The following HDAC4 variants were observed in gnomAD, a reference collection of about 807,000 sequenced individuals.
HDAC4 encodes the protein histone deacetylase 4.
Under a neutral mutation model 135.1 loss-of-function variants are expected in HDAC4, and 16 were observed. The ratio of observed to expected loss-of-function variants is 0.12; its 90% CI spans 0.08 to 0.18. The LOEUF (loss-of-function observed/expected upper bound fraction) is 0.18, where lower values mean the gene tolerates loss of function less well. Among genes scored for constraint, HDAC4 ranks in the 10% least tolerant of loss-of-function variants. The probability of loss-of-function intolerance (pLI) is 1.00; values close to 1 mark genes in which losing one functional copy is unlikely to be tolerated. For synonymous variants in HDAC4, 685 were observed against 653.4 expected (o/e 1.05, Z -0.74); for missense variants, 1,143 against 1,511.8 (o/e 0.76, Z 4.05).
chr2:239,164,279 G>A (rs752689641), intron 5 of HDAC4, among the ~76,000 whole-genome samples: 4 of 152,244 alleles, frequency 2.6e-5, no homozygotes, highest in Non-Finnish European at 5.9e-5. Flanking sequence ...TCTTGCTACC[G>A]CAAAGCAGAA....
At chr2:239,296,221 GCACA>G (rs1218821263) in intron 2 of HDAC4, among the ~76,000 whole-genome samples, 1 of 151,898 alleles carries the variant, frequency 6.6e-6, no homozygotes, top group African/African-American at 2.4e-5. Context: ...ACACACACAC[GCACA>G]TATGCAGGTA....
Position 239,235,603 on chromosome 2 carries a change from G to A in HDAC4, c.94+990C>T, listed in dbSNP as rs13415667. ...ATCAGGAGGTTCAGGTTTTATTCTC[G>A]GAGAGGCTGCATGGCTGGGAAGAAT... On this transcript the variant is annotated intron_variant, in intron 3 of 26. Transcript: ENST00000543185. Among the ~76,000 whole-genome samples the A allele has an allele frequency of 3.4e-3, 519 of 152,348 alleles. 4 individuals are homozygous for A. Among genetic ancestry groups the A allele is most frequent in the African/African-American group, 0.012 (491 of 41,594 alleles).
chr2:239,149,634 G>C (rs1017183680), intron 7 of HDAC4, among the ~76,000 whole-genome samples: 7 of 152,210 alleles, frequency 4.6e-5, no homozygotes, highest in African/African-American at 1.4e-4. Context: ...TCTGAAGACA[G>C]AGCCTGCTCA....
intron 4 of HDAC4, among the ~76,000 whole-genome samples, chr2:239,184,554 T>C (rs1350181660): frequency 2.6e-5 from 3 of 115,378 alleles, no homozygotes; most frequent in Admixed American, 9.3e-5. Context: ...GGGTGGTCCC[T>C]CAGTGTCTGT....
At chr2:239,197,465 G>A (rs1331380326) in intron 3 of HDAC4, among the ~76,000 whole-genome samples, 4 of 152,140 alleles carry the variant, frequency 2.6e-5, no homozygotes, top group African/African-American at 4.8e-5. Flanking sequence ...CTTTGGAGAC[G>A]GCAGCTCCCG....
intron 1 of HDAC4, among the ~76,000 whole-genome samples, chr2:239,354,265 T>C (rs1235538372): frequency 1.3e-5 from 2 of 152,170 alleles, no homozygotes; most frequent in African/African-American, 4.8e-5. Flanking sequence ...TCCTATTCCA[T>C]GTGTGGATAG....
chr2:239,195,600 G>A (rs1257918665), intron 3 of HDAC4, among the ~76,000 whole-genome samples: 1 of 152,198 alleles, frequency 6.6e-6, no homozygotes, highest in Non-Finnish European at 1.5e-5. Context: ...AAAATGCCAC[G>A]AGTTCCCAAC....
chr2:239,290,375 T>C (rs1226524232), intron 2 of HDAC4, among the ~76,000 whole-genome samples: 2 of 152,150 alleles, frequency 1.3e-5, no homozygotes, highest in South Asian at 2.1e-4. Flanking sequence ...CCAGCACCAA[T>C]GGCGTGAGGA....
intron 2 of HDAC4, among the ~76,000 whole-genome samples, chr2:239,336,411 A>G (rs541881747): frequency 6.6e-6 from 1 of 152,310 alleles, no homozygotes; most frequent in African/African-American, 2.4e-5. Flanking sequence ...GCGGTCTTCA[A>G]GGCTACATGT....
At chr2:239,077,057 G>A (rs1397666121) in intron 22 of HDAC4, among the ~76,000 whole-genome samples, 2 of 152,242 alleles carry the variant, frequency 1.3e-5, no homozygotes, top group East Asian at 3.9e-4. Flanking sequence ...TTCTGGGCTT[G>A]TCCACTGGCC....
chr2:239,343,923 G>A (rs1356110810), intron 2 of HDAC4, among the ~76,000 whole-genome samples: 1 of 152,186 alleles, frequency 6.6e-6, no homozygotes, highest in Non-Finnish European at 1.5e-5. Context: ...TCCAGCTCAC[G>A]TCACAGGCTA....
chr2:239,174,281 C>T (rs889591956), intron 5 of HDAC4, among the ~76,000 whole-genome samples: 1 of 152,028 alleles, frequency 6.6e-6, no homozygotes, highest in Non-Finnish European at 1.5e-5. Flanking sequence ...TACAACTGGC[C>T]AAGGGTTGAT....
chr2:239,073,235 G>C lies in HDAC4; in HGVS notation c.2751-4628C>G, dbSNP rs529932445. ...CTGCTTCTGTTCTTTTTTCTGAAGA[G>C]AGCCAGTCCACACAATTTCCCCTAG... On this transcript the variant is annotated intron_variant, in intron 22 of 26. Transcript: ENST00000543185. Among the ~76,000 whole-genome samples, 6 of 152,320 alleles carry C rather than the reference G, an allele frequency of 3.9e-5. No individual in the cohort carries two copies. The South Asian group carries it at 1.2e-3, about 32-fold the overall frequency.
chr2:239,231,793 G>C (rs13024152), intron 3 of HDAC4, among the ~76,000 whole-genome samples: 78,316 of 89,398 alleles, frequency 0.88, 35,735 homozygotes, highest in South Asian at 0.97. Flanking sequence ...AAGCGCCCCT[G>C]TCCTCAACCG....
At chr2:239,157,157 A>T (rs1326165133) in intron 6 of HDAC4, among the ~76,000 whole-genome samples, 1 of 152,214 alleles carries the variant, frequency 6.6e-6, no homozygotes, top group Non-Finnish European at 1.5e-5. Flanking sequence ...GAAGAGGAAA[A>T]CAGTAGGCTG....
intron 5 of HDAC4, among the ~76,000 whole-genome samples, chr2:239,173,679 A>T (rs1466246753): frequency 2.0e-5 from 3 of 152,220 alleles, no homozygotes; most frequent in African/African-American, 7.2e-5. Context: ...ATAATAAGCA[A>T]GTAAAAGACA....
At chr2:239,060,207 G>A (rs948465523) in intron 24 of HDAC4, among the ~76,000 whole-genome samples, 29 of 152,324 alleles carry the variant, frequency 1.9e-4, no homozygotes, top group African/African-American at 7.0e-4. Flanking sequence ...AGCCTTGGGG[G>A]ACTGGCTCAT....
intron 1 of HDAC4, among the ~76,000 whole-genome samples, chr2:239,369,222 C>T (rs571345594): frequency 2.6e-5 from 4 of 152,344 alleles, no homozygotes; most frequent in East Asian, 3.9e-4. Context: ...CATTCCCCGA[C>T]GGTCCCCTTT....
At chr2:239,363,160 A>G (rs1005882384) in intron 1 of HDAC4, among the ~76,000 whole-genome samples, 1 of 152,250 alleles carries the variant, frequency 6.6e-6, no homozygotes, top group Non-Finnish European at 1.5e-5. Context: ...TAGAGATCTC[A>G]ATACAAGGAG....
Sources: gnomAD v4.1 joint callset for allele counts (sites outside exome capture counted in the v4.1 genomes callset) on GRCh38, gnomAD v4.1.1 for gene constraint, MANE v1.5 for transcripts, NCBI Gene and HGNC (gene_info 2026-07-23, HGNC 2026-07-21) for gene names.